FRYL: variants seen among roughly 807,000 people sequenced by gnomAD.
FRYL encodes the protein protein furry homolog-like.
FRYL carries 150 observed loss-of-function variants against 351.2 expected under a neutral mutation model. The ratio of observed to expected loss-of-function variants is 0.43; its 90% CI spans 0.37 to 0.49. The LOEUF (loss-of-function observed/expected upper bound fraction) is 0.49, where lower values mean the gene tolerates loss of function less well. Among genes scored for constraint, FRYL ranks in the 20% least tolerant of loss-of-function variants. FRYL has a pLI of 0.00. For missense variants in FRYL, 3,036 were observed against 3,619.3 expected (o/e 0.84, Z 4.13); for synonymous variants, 1,153 against 1,257.1 (o/e 0.92, Z 1.75).
At chr4:48,563,050 T>C in intron 31 of FRYL, 62 bp from the exon 32 acceptor site, 1 of 1,045,744 alleles carries the variant, frequency 9.6e-7, no homozygotes, top group South Asian at 1.4e-5. Context: ...CACCATTTAA[T>C]AAATATGATA....
chr4:48,521,309 T>C lies in FRYL; in HGVS notation c.7522-94A>G, dbSNP rs1724840727. The C allele has an allele frequency of 1.0e-5, 9 of 862,592 alleles. No homozygotes were observed. The South Asian group carries it at 1.7e-4, about 16-fold the overall frequency. 53.4% of individuals were successfully genotyped at this position (862,592 alleles called of 1,614,324 possible). The stretch of plus-strand genomic sequence containing the variant: ...ATAAAATATTTTAGGGGCTTCGTTA[T>C]AAAGAGCTTCTGAGATTTCCTAAAA... On this transcript the variant is annotated intron_variant, in intron 54 of 63. Transcript: ENST00000358350.
chr4:48,677,821 C>A (rs369833180), intron 3 of FRYL, among the ~76,000 whole-genome samples: 1 of 152,264 alleles, frequency 6.6e-6, no homozygotes, highest in East Asian at 1.9e-4. Context: ...AAGAATAGCT[C>A]TTTCTTTGCA....
intron 7 of FRYL, chr4:48,618,581 A>T (rs1461669541): frequency 1.4e-5 from 1 of 69,546 alleles, no homozygotes; most frequent in Non-Finnish European, 2.9e-5. Flanking sequence ...AAAGACCATG[A>T]TCTTTAAAAA....
intron 3 of FRYL, chr4:48,680,956 T>C (rs1431287371): frequency 8.0e-7 from 1 of 1,257,162 alleles, no homozygotes; most frequent in East Asian, 5.9e-5. Flanking sequence ...GTATTTGTCA[T>C]AATTACTATG....
At chr4:48,655,289 C>A (rs1758593267) in intron 3 of FRYL, among the ~76,000 whole-genome samples, 1 of 152,060 alleles carries the variant, frequency 6.6e-6, no homozygotes, top group African/African-American at 2.4e-5. Context: ...CAAAGGCTAA[C>A]CAACACAGAA....
chr4:48,769,482 A>G (rs1775302049), intron 1 of FRYL, among the ~76,000 whole-genome samples: 1 of 152,234 alleles, frequency 6.6e-6, no homozygotes, highest in Non-Finnish European at 1.5e-5. Flanking sequence ...AACTTTCCAT[A>G]TATTGCTGGT....
chr4:48,620,983 C>T (rs1009607848), intron 5 of FRYL, among the ~76,000 whole-genome samples: 1 of 152,190 alleles, frequency 6.6e-6, no homozygotes, highest in Non-Finnish European at 1.5e-5. Flanking sequence ...TCCAAATCCA[C>T]GTGGTTTAGC....
At chr4:48,620,823 T>C (rs1750511253) in intron 5 of FRYL, 45 bp from the exon 6 acceptor site, 1 of 1,526,690 alleles carries the variant, frequency 6.6e-7, no homozygotes, top group Non-Finnish European at 9.0e-7. Flanking sequence ...TAACACTGAA[T>C]GTACCACACT....
At chr4:48,658,580 A>C (rs1296418482) in intron 3 of FRYL, among the ~76,000 whole-genome samples, 1 of 124,308 alleles carries the variant, frequency 8.0e-6, no homozygotes, top group Non-Finnish European at 1.6e-5. Context: ...TCTACAAAAA[A>C]ATACAAAAAA....
At chr4:48,676,958 A>C (rs1201576220) in intron 3 of FRYL, among the ~76,000 whole-genome samples, 1 of 152,256 alleles carries the variant, frequency 6.6e-6, no homozygotes, top group Non-Finnish European at 1.5e-5. Context: ...TTGTTTAAAA[A>C]TATAACCAAT....
At chr4:48,735,025 G>C (rs1476687983) in intron 1 of FRYL, among the ~76,000 whole-genome samples, 3 of 144,540 alleles carry the variant, frequency 2.1e-5, no homozygotes, top group African/African-American at 2.6e-5. Context: ...CCATCAGAGT[G>C]AACAGGCAAC....
At chr4:48,680,357 G>A (rs1419046676) in intron 3 of FRYL, among the ~76,000 whole-genome samples, 1 of 151,406 alleles carries the variant, frequency 6.6e-6, no homozygotes, top group African/African-American at 2.4e-5. Context: ...TCTAATGTTT[G>A]TTAGTTACTA....
intron 60 of FRYL, 49 bp from the exon 61 acceptor site, chr4:48,502,894 AC>A: frequency 1.3e-6 from 2 of 1,501,296 alleles, no homozygotes; most frequent in South Asian, 1.1e-5. Flanking sequence ...GAAGAAAAAG[AC>A]CAAGAATTAG....
intron 3 of FRYL, among the ~76,000 whole-genome samples, chr4:48,652,201 C>A (rs536580196): frequency 2.0e-5 from 3 of 152,204 alleles, no homozygotes; most frequent in Non-Finnish European, 4.4e-5. Context: ...ACATAGTTCA[C>A]AAGTACCTAA....
At chr4:48,615,121 C>T (rs960256697) in intron 7 of FRYL, among the ~76,000 whole-genome samples, 2 of 152,114 alleles carry the variant, frequency 1.3e-5, no homozygotes, top group African/African-American at 4.8e-5. Context: ...CCACCGCGCC[C>T]GGCCAGTTTA....
chr4:48,685,740 C>A (rs1432065224), intron 2 of FRYL, among the ~76,000 whole-genome samples: 1 of 151,106 alleles, frequency 6.6e-6, no homozygotes, highest in Non-Finnish European at 1.5e-5. Context: ...CGTTATCAGG[C>A]ACATTTCATG....
At position 48,571,605 on chromosome 4, in the gene FRYL, G is replaced by A. The variant is rs139697197; in HGVS notation, c.2905-687C>T. ...CAAATTAAAACCATATTTACTAGTT[G>A]AAATTTCACTTTCTTGTCCATGACC... On this transcript the variant is annotated intron_variant, in intron 26 of 63. Coordinates refer to ENST00000358350, the MANE Select transcript of FRYL (RefSeq NM_015030.2). 5.0e-4 allele frequency: 488 copies of A among 973,384 alleles called. 10 individuals are homozygous for A. In the Admixed American group the frequency reaches 0.026, roughly 52 times the overall value. The allele number at this position is 973,384 out of a possible 1,614,324, so 60.3% of individuals were successfully genotyped here. A position where few individuals can be genotyped will look rare whatever the true frequency, so the allele number is the denominator to read the frequency against.
rs1250566232 is a variant in FRYL at position 48,540,971 on chromosome 4, A to G, written c.5688-11T>C. The G allele has an allele frequency of 6.5e-7, 1 of 1,533,128 alleles. No individual in the cohort carries two copies. Among genetic ancestry groups the G allele is most frequent in the Non-Finnish European group, 8.8e-7 (1 of 1,139,768 alleles). 95.0% of individuals were successfully genotyped at this position (1,533,128 alleles called of 1,614,324 possible). On this transcript the variant is annotated splice_polypyrimidine_tract_variant and intron_variant, in intron 45 of 63. Transcript: ENST00000358350. Reference sequence around the variant, plus strand: ...TCATGATATGAGGTTCTTAAAAAAAAGAAAGAATAGATGAATGCATACCCA... The same window carrying G: ...TCATGATATGAGGTTCTTAAAAAAAGGAAAGAATAGATGAATGCATACCCA...
rs116643229 is a variant in FRYL, at chr4:48,605,908, T to C, written c.742-75A>G. The stretch of plus-strand genomic sequence containing the variant: ...AAGAATTTGTAATATCACATCATTT[T>C]GTGAACACTCTGTCATTTTACCAAA... On this transcript the variant is annotated intron_variant, in intron 10 of 63. Coordinates refer to ENST00000358350, the MANE Select transcript of FRYL (RefSeq NM_015030.2). 188 of 913,754 alleles carry C rather than the reference T, an allele frequency of 2.1e-4. No individual in the cohort carries two copies. The African/African-American group carries it at 2.9e-3, about 14-fold the overall frequency. The allele number at this position is 913,754 out of a possible 1,614,324, so 56.6% of individuals were successfully genotyped here. A position where few individuals can be genotyped will look rare whatever the true frequency, so the allele number is the denominator to read the frequency against.
Sources: allele counts gnomAD v4.1 joint callset (sites outside exome capture counted in the v4.1 genomes callset), GRCh38; gene constraint gnomAD v4.1.1; transcripts MANE v1.5; gene names NCBI Gene and HGNC (gene_info 2026-07-23, HGNC 2026-07-21).